Variants in TYRO3 observed in about 807,000 individuals in gnomAD.
The protein encoded by TYRO3 is tyrosine-protein kinase receptor TYRO3.
In TYRO3, 38 loss-of-function variants were observed where a neutral mutation model predicts 95.2. The ratio of observed to expected loss-of-function variants is 0.40; its 90% CI spans 0.31 to 0.52. The LOEUF (loss-of-function observed/expected upper bound fraction) is 0.52, where lower values mean the gene tolerates loss of function less well. TYRO3 is among the 20% of genes least tolerant of loss of function. TYRO3 has a pLI of 0.56. For synonymous variants in TYRO3, 367 were observed against 432.9 expected, an observed-to-expected ratio of 0.85 and a Z score of 1.89; for missense variants, 812 against 1,116.4, an observed-to-expected ratio of 0.73 and a Z score of 3.89.
chr15:41,560,655 A>T (rs1192015272), intron 1 of TYRO3, among the ~76,000 whole-genome samples: 2 of 151,040 alleles, frequency 1.3e-5, no homozygotes, highest in African/African-American at 4.9e-5. Flanking sequence ...TATGTTCTCC[A>T]CTTCAGGGGA....
rs1898445767 is a variant in TYRO3, at chr15:41,566,924, G to T, written c.784-436G>T. 2.6e-5 allele frequency among the ~76,000 whole-genome samples: 4 copies of T among 152,204 alleles called. No homozygotes were observed. In the South Asian group the frequency reaches 8.3e-4, roughly 32 times the overall value. On this transcript the variant is annotated intron_variant, in intron 6 of 18. Coordinates refer to ENST00000263798, the MANE Select transcript of TYRO3 (RefSeq NM_006293.4). ...TGGGCCCCCAAAATGTAAGATGAAGGGCTGGTTCATAGTGCCCTAGGCTCC... is the reference window on the plus strand; with the variant it reads ...TGGGCCCCCAAAATGTAAGATGAAGTGCTGGTTCATAGTGCCCTAGGCTCC...
chr15:41,571,012 T>C, intron 12 of TYRO3, 26 bp from the exon 13 acceptor site: 1 of 1,439,046 alleles, frequency 6.9e-7, no homozygotes, highest in Non-Finnish European at 9.8e-7. Context: ...CCAAGGAGAC[T>C]CTCCCTTACT....
At chr15:41,574,885 A>G (rs1433330115) in intron 18 of TYRO3, among the ~76,000 whole-genome samples, 1 of 151,864 alleles carries the variant, frequency 6.6e-6, no homozygotes, top group African/African-American at 2.4e-5. Flanking sequence ...ACACTCGGCT[A>G]ATTTTTGTAT....
chr15:41,571,014 T>C lies in TYRO3; in HGVS notation c.1580-24T>C, dbSNP rs539089256. The C allele has an allele frequency of 5.6e-6, 8 of 1,417,348 alleles. No homozygotes were observed. The African/African-American group carries it at 1.1e-4, about 19-fold the overall frequency. 87.8% of individuals were successfully genotyped at this position (1,417,348 alleles called of 1,614,324 possible). ...AGGGAGCAGAGAGCCAAGGAGACTCTCCCTTACTTGGATTGGTTCCTAGGA... is the reference window on the plus strand; with the variant it reads ...AGGGAGCAGAGAGCCAAGGAGACTCCCCCTTACTTGGATTGGTTCCTAGGA... On this transcript the variant is annotated intron_variant, in intron 12 of 18. Coordinates refer to ENST00000263798, the MANE Select transcript of TYRO3 (RefSeq NM_006293.4).
At chr15:41,565,708 C>A (rs2055714092) in intron 6 of TYRO3, among the ~76,000 whole-genome samples, 1 of 151,656 alleles carries the variant, frequency 6.6e-6, no homozygotes, top group African/African-American at 2.4e-5. Flanking sequence ...GTATTACAGG[C>A]ATGAACCAGC....
intron 18 of TYRO3, 133 bp from the exon 19 acceptor site, chr15:41,577,753 T>G: frequency 1.5e-5 from 14 of 925,460 alleles, no homozygotes; most frequent in Non-Finnish European, 1.8e-5. Flanking sequence ...CCCAAAGTGT[T>G]GAGATTACAG....
intron 18 of TYRO3, chr15:41,577,297 T>G (rs1376086346): frequency 6.6e-6 from 1 of 152,034 alleles, no homozygotes; most frequent in African/African-American, 2.4e-5. Context: ...AAATATATTT[T>G]TTATTTATTT....
intron 18 of TYRO3, among the ~76,000 whole-genome samples, chr15:41,575,676 G>T (rs1219044020): frequency 6.6e-6 from 1 of 152,238 alleles, no homozygotes; most frequent in Non-Finnish European, 1.5e-5. Flanking sequence ...AAGAGAGTCA[G>T]GCATTTGCAT....
intron 6 of TYRO3, among the ~76,000 whole-genome samples, chr15:41,566,026 A>C (rs909587381): frequency 6.6e-6 from 1 of 152,096 alleles, no homozygotes; most frequent in Non-Finnish European, 1.5e-5. Context: ...AGAGAACCCT[A>C]CTGAGGTTGG....
At chr15:41,570,853 T>C (rs1238337975) in intron 12 of TYRO3, 154 bp downstream of exon 12, 2 of 925,642 alleles carry the variant, frequency 2.2e-6, no homozygotes, top group Admixed American at 2.1e-5. Flanking sequence ...TGGGGAATGG[T>C]GGCTGGAGAC....
chr15:41,559,499 G>A lies in TYRO3; in HGVS notation c.124+118G>A, dbSNP rs1282963588. 1.1e-5 allele frequency: 3 copies of A among 266,556 alleles called. No homozygotes were observed. The East Asian group carries it at 2.0e-4, about 18-fold the overall frequency. The allele number at this position is 266,556 out of a possible 1,614,324, so 16.5% of individuals were successfully genotyped here. A position where few individuals can be genotyped will look rare whatever the true frequency, so the allele number is the denominator to read the frequency against. ...TCGGGGTGGGGGTCCGGAGCCGAAG[G>A]CCGAGGCTCGGAGCCGGGACAGGGC... On this transcript the variant is annotated intron_variant, in intron 1 of 18. Transcript: ENST00000263798.
Position 41,571,208 on chromosome 15 carries a change from A to G in TYRO3, c.1660+90A>G, listed in dbSNP as rs2055791772. The G allele has an allele frequency of 3.9e-6, 5 of 1,291,648 alleles. No individual in the cohort carries two copies. The Admixed American group carries it at 7.0e-5, about 18-fold the overall frequency. The allele number at this position is 1,291,648 out of a possible 1,614,324, so 80.0% of individuals were successfully genotyped here. The stretch of plus-strand genomic sequence containing the variant: ...GAAGCAGGCTCTGCTTTGCCCCTAG[A>G]TTTTCCAAGAAGAGCTGGGCAGCAC... On this transcript the variant is annotated intron_variant, in intron 13 of 18. Transcript: ENST00000263798.
rs11639399 is a variant in TYRO3 at position 41,565,018 on chromosome 15, G to A, written c.668-8G>A. On this transcript the variant is annotated splice_region_variant and splice_polypyrimidine_tract_variant and intron_variant, in intron 5 of 18. Transcript: ENST00000263798. ...TACTGGGCACTGATTCTGAGTCCCC[G>A]TCCACAGCACTGCCTGCAGCCCCCT... 439,731 of 1,411,722 alleles carry A rather than the reference G, an allele frequency of 0.31. 64,433 individuals carry two copies. Among genetic ancestry groups the A allele is most frequent in the Middle Eastern group, 0.38 (2,049 of 5,340 alleles). 87.4% of individuals were successfully genotyped at this position (1,411,722 alleles called of 1,614,324 possible).
chr15:41,566,944 G>A (rs2055731427), intron 6 of TYRO3, among the ~76,000 whole-genome samples: 1 of 152,178 alleles, frequency 6.6e-6, no homozygotes, highest in Non-Finnish European at 1.5e-5. Flanking sequence ...TAGTGCCCTA[G>A]GCTCCCAGTT....
chr15:41,564,548 T>C (rs558785782), intron 5 of TYRO3, among the ~76,000 whole-genome samples: 8 of 151,972 alleles, frequency 5.3e-5, no homozygotes, highest in Non-Finnish European at 7.4e-5. Flanking sequence ...CAGGAGATGG[T>C]CAAGGCCCAT....
chr15:41,566,059 T>C (rs1299074768), intron 6 of TYRO3, among the ~76,000 whole-genome samples: 1 of 152,130 alleles, frequency 6.6e-6, no homozygotes, highest in East Asian at 1.9e-4. Flanking sequence ...ATGCCTGTAA[T>C]CCCAGCACTT....
intron 4 of TYRO3, 119 bp downstream of exon 4, chr15:41,562,837 T>A: frequency 1.9e-6 from 2 of 1,037,552 alleles, no homozygotes; most frequent in Non-Finnish European, 2.8e-6. Context: ...AGCCCCAGTG[T>A]CTGGGGACGT....
rs1245462183 is a variant in TYRO3, at chr15:41,576,664, TTTTTTA to T, written c.2283-1221_2283-1216del. Among the ~76,000 whole-genome samples the T allele has an allele frequency of 5.2e-3, 677 of 130,902 alleles. 3 individuals carry two copies. Among genetic ancestry groups the T allele is most frequent in the South Asian group, 0.024 (95 of 3,894 alleles). 85.9% of individuals were successfully genotyped at this position (130,902 alleles called of 152,430 possible). A position where few individuals can be genotyped will look rare whatever the true frequency, so the allele number is the denominator to read the frequency against. On this transcript the variant is annotated intron_variant, in intron 18 of 18. Transcript: ENST00000263798. ...GGTTTCCTTTTTTTTTTTTTTTTTT[TTTTTTA>T]AAAAAAAAAAAGAGAAAGGGCCTCG... is the stretch of plus-strand genomic sequence containing the variant.
chr15:41,566,604 C>T (rs1327687133), intron 6 of TYRO3, among the ~76,000 whole-genome samples: 4 of 152,160 alleles, frequency 2.6e-5, no homozygotes. Context: ...GGCAGCCATT[C>T]GTGAGGGGGA....
Sources: gnomAD v4.1 joint callset for allele counts (sites outside exome capture counted in the v4.1 genomes callset) on GRCh38, gnomAD v4.1.1 for gene constraint, MANE v1.5 for transcripts, NCBI Gene and HGNC (gene_info 2026-07-23, HGNC 2026-07-21) for gene names.